PDE1C: variants seen among roughly 807,000 people sequenced by gnomAD.
The protein encoded by PDE1C is phosphodiesterase 1C.
PDE1C carries 62 observed loss-of-function variants against 93.1 expected under a neutral mutation model. The observed-to-expected ratio is 0.67, with a 90% CI of 0.54 to 0.82. The LOEUF is 0.82. PDE1C is among the 40% of genes least tolerant of loss of function. The pLI is 0.00. For missense variants in PDE1C, 742 were observed against 884.6 expected, an observed-to-expected ratio of 0.84 and a Z score of 2.04; for synonymous variants, 325 against 310.1, an observed-to-expected ratio of 1.05 and a Z score of -0.50.
intron 2 of PDE1C, among the ~76,000 whole-genome samples, chr7:32,208,267 T>C (rs1805751373): frequency 6.6e-6 from 1 of 152,124 alleles, no homozygotes; most frequent in Non-Finnish European, 1.5e-5. Context: ...AGAGAAATTA[T>C]ACTTTCAGCT....
At chr7:32,014,054 T>C (rs1159933198) in intron 2 of PDE1C, among the ~76,000 whole-genome samples, 3 of 152,212 alleles carry the variant, frequency 2.0e-5, no homozygotes, top group Admixed American at 6.5e-5. Context: ...CCCTGTCCCA[T>C]AGACCACGTG....
chr7:31,723,516 C>T, the PDE1C span, among the ~76,000 whole-genome samples: 2 of 152,262 alleles, frequency 1.3e-5, no homozygotes, highest in African/African-American at 4.8e-5. Context: ...GTGAAAGTCC[C>T]TTTATTGCCA....
At chr7:32,267,130 C>T (rs1232967901) in intron 1 of PDE1C, among the ~76,000 whole-genome samples, 2 of 152,220 alleles carry the variant, frequency 1.3e-5, no homozygotes, top group African/African-American at 2.4e-5. Context: ...CCCTGAGCAG[C>T]GGCGGCCCCT....
At chr7:32,312,097 C>T (rs1783059339) in intron 1 of PDE1C, among the ~76,000 whole-genome samples, 1 of 151,718 alleles carries the variant, frequency 6.6e-6, no homozygotes, top group Non-Finnish European at 1.5e-5. Context: ...CACAAGCATT[C>T]TTATACACCA....
chr7:32,062,665 C>T (rs184849348), intron 1 of PDE1C, among the ~76,000 whole-genome samples: 1 of 152,156 alleles, frequency 6.6e-6, no homozygotes, highest in African/African-American at 2.4e-5. Context: ...TTGCAGCACT[C>T]GTCACAGCAG....
At chr7:31,778,086 G>A (rs932667716) in intron 16 of PDE1C, among the ~76,000 whole-genome samples, 1 of 152,166 alleles carries the variant, frequency 6.6e-6, no homozygotes, top group Non-Finnish European at 1.5e-5. Context: ...TGATTCCAAC[G>A]ATGATCTTGT....
At chr7:32,047,603 A>G (rs1792779186) in intron 2 of PDE1C, among the ~76,000 whole-genome samples, 1 of 152,188 alleles carries the variant, frequency 6.6e-6, no homozygotes. Context: ...TCATCAAAAC[A>G]TTCCCTTGGG....
intron 2 of PDE1C, among the ~76,000 whole-genome samples, chr7:32,019,827 T>C (rs761128324): frequency 6.6e-6 from 1 of 152,098 alleles, no homozygotes; most frequent in Non-Finnish European, 1.5e-5. Flanking sequence ...GTAGGGAACA[T>C]ACAAGAGCAG....
chr7:31,682,682 C>T, the PDE1C span, among the ~76,000 whole-genome samples: 1 of 152,180 alleles, frequency 6.6e-6, no homozygotes. Flanking sequence ...CAATTGTTCA[C>T]AGTAGCTTCC....
intron 1 of PDE1C, among the ~76,000 whole-genome samples, chr7:32,215,938 C>T (rs756054829): frequency 6.6e-6 from 1 of 152,192 alleles, no homozygotes; most frequent in Non-Finnish European, 1.5e-5. Context: ...TTGCCACAGC[C>T]CTGGGTCTGG....
chr7:31,635,345 C>T, the PDE1C span, among the ~76,000 whole-genome samples: 1 of 152,172 alleles, frequency 6.6e-6, no homozygotes, highest in Admixed American at 6.5e-5. Context: ...CCACATTTTG[C>T]TTGGTGAATC....
At chr7:31,723,809 G>C in the PDE1C span, among the ~76,000 whole-genome samples, 1 of 152,140 alleles carries the variant, frequency 6.6e-6, no homozygotes. Context: ...GTTAATTCTC[G>C]TCTACAGCAT....
intron 16 of PDE1C, among the ~76,000 whole-genome samples, chr7:31,800,376 A>G (rs1257817879): frequency 2.0e-5 from 3 of 151,646 alleles, no homozygotes; most frequent in Non-Finnish European, 3.0e-5. Context: ...ATAGTTTTAC[A>G]TTTTACATTT....
At chr7:32,219,502 A>C (rs1479831034) in intron 1 of PDE1C, among the ~76,000 whole-genome samples, 1 of 152,204 alleles carries the variant, frequency 6.6e-6, no homozygotes, top group Non-Finnish European at 1.5e-5. Context: ...TTTATCTAAG[A>C]GCAGATGTGT....
chr7:31,715,874 G>A, the PDE1C span, among the ~76,000 whole-genome samples: 1 of 152,204 alleles, frequency 6.6e-6, no homozygotes. Flanking sequence ...TTCTAAGAGA[G>A]TCTGCTGGTA....
At chr7:32,226,928 A>G (rs1166946603) in intron 1 of PDE1C, among the ~76,000 whole-genome samples, 1 of 152,176 alleles carries the variant, frequency 6.6e-6, no homozygotes, top group African/African-American at 2.4e-5. Context: ...GAAAACAGCC[A>G]GGTGCGGTCA....
chr7:31,840,599 A>G (rs1266776011), intron 9 of PDE1C, among the ~76,000 whole-genome samples: 3 of 152,170 alleles, frequency 2.0e-5, no homozygotes, highest in Non-Finnish European at 4.4e-5. Context: ...TTAGGTTTAT[A>G]ACCAATTTTG....
At chr7:31,775,766 G>A in intron 16 of PDE1C, 34 bp from the exon 17 acceptor site, 1 of 1,574,442 alleles carries the variant, frequency 6.4e-7, no homozygotes, top group Non-Finnish European at 8.7e-7. Flanking sequence ...AGGAAAAGTA[G>A]GATTGTGGAA....
At chr7:31,888,996 T>C (rs1373619216) in intron 2 of PDE1C, among the ~76,000 whole-genome samples, 9 of 152,182 alleles carry the variant, frequency 5.9e-5, no homozygotes, top group Non-Finnish European at 1.0e-4. Flanking sequence ...AAGATATTAT[T>C]GAGAGAAGTT....
Sources: gnomAD v4.1 joint callset for allele counts (sites outside exome capture counted in the v4.1 genomes callset) on GRCh38, gnomAD v4.1.1 for gene constraint, MANE v1.5 for transcripts, NCBI Gene and HGNC (gene_info 2026-07-23, HGNC 2026-07-21) for gene names.